NARS2: variants seen among roughly 807,000 people sequenced by gnomAD.
NARS2 encodes asparaginyl-tRNA synthetase.
In NARS2, 60 loss-of-function variants were observed where a neutral mutation model predicts 62.9. The ratio of observed to expected loss-of-function variants is 0.95; its 90% CI spans 0.77 to 1.18. The LOEUF is 1.18. Ranked by LOEUF, NARS2 falls within the 50% of genes most tolerant of loss-of-function variation. The pLI, the probability that NARS2 is intolerant of heterozygous loss-of-function variation, is 0.00. For missense variants in NARS2, 619 were observed against 576.4 expected (o/e 1.07, Z -0.76); for synonymous variants, 196 against 200.0 (o/e 0.98, Z 0.17).
At chr11:78,475,167 G>C (rs1859036892) in intron 9 of NARS2, among the ~76,000 whole-genome samples, 1 of 152,114 alleles carries the variant, frequency 6.6e-6, no homozygotes, top group Admixed American at 6.6e-5. Flanking sequence ...AGTGAATCAT[G>C]CAGTATTTGT....
At chr11:78,561,408 C>T (rs868362905) in intron 4 of NARS2, among the ~76,000 whole-genome samples, 1 of 152,064 alleles carries the variant, frequency 6.6e-6, no homozygotes, top group Admixed American at 6.6e-5. Flanking sequence ...TATACTGTCC[C>T]GCAGCAAAGG....
At chr11:78,476,505 T>A (rs1204147155) in intron 9 of NARS2, among the ~76,000 whole-genome samples, 2 of 152,370 alleles carry the variant, frequency 1.3e-5, no homozygotes, top group East Asian at 3.9e-4. Flanking sequence ...ACCCTTCTAA[T>A]GCACTTTTTG....
intron 6 of NARS2, among the ~76,000 whole-genome samples, chr11:78,506,031 T>C (rs961076964): frequency 6.6e-6 from 1 of 151,690 alleles, no homozygotes; most frequent in Non-Finnish European, 1.5e-5. Context: ...CTAGTAAAAA[T>C]TGGATGAAAA....
At chr11:78,529,791 G>C (rs938087826) in intron 5 of NARS2, among the ~76,000 whole-genome samples, 1 of 152,122 alleles carries the variant, frequency 6.6e-6, no homozygotes, top group African/African-American at 2.4e-5. Flanking sequence ...CTCCCAAAGT[G>C]CTGGGATTTA....
chr11:78,493,158 G>T lies in NARS2; in HGVS notation c.727C>A (p.Arg243=). The T allele has an allele frequency of 6.2e-7, 1 of 1,613,836 alleles. No homozygotes were observed. ...CTCCGGCTCTGAGAATTTTCAGCTC[G>T]GAAGGTCGGACCAAAGGTAAACACT... ...TQVFTFGPTF[R]AENSQSRRHL... is the part of the protein sequence containing the mutation. The change falls in exon 7 of 14, where the codon CGA becomes AGA. Residue 243 remains arginine, a synonymous_variant. Transcript: ENST00000281038.
intron 12 of NARS2, 112 bp downstream of exon 12, chr11:78,443,549 G>C (rs1857647742): frequency 1.7e-6 from 1 of 588,700 alleles, no homozygotes; most frequent in Admixed American, 2.9e-5. Flanking sequence ...CTGAGATCCA[G>C]TTCTGTCAGG....
At chr11:78,513,121 G>C (rs889040569) in intron 6 of NARS2, among the ~76,000 whole-genome samples, 7 of 152,064 alleles carry the variant, frequency 4.6e-5, no homozygotes, top group African/African-American at 2.4e-5. Flanking sequence ...ATGGTGGCGG[G>C]TGCCTGTAAT....
chr11:78,536,266 C>T (rs959808532), intron 5 of NARS2, among the ~76,000 whole-genome samples: 9 of 152,132 alleles, frequency 5.9e-5, no homozygotes, highest in African/African-American at 2.2e-4. Context: ...TTATACTATA[C>T]TTTTTATCAT....
rs1856738321 is a variant in NARS2, at chr11:78,566,219, A to G, written c.426T>C (p.Tyr142=). ...ERHPLEYLRQ[Y]PHFRCRTNVL... ...CGTTAGTCCTACACCTAAAGTGAGG[A>G]TATTGTCGCAGATACTCCAGAGGAT... The change falls in exon 4 of 14, where the codon TAT becomes TAC. Residue 142 remains tyrosine, a synonymous_variant. Transcript: ENST00000281038. The G allele has an allele frequency of 1.2e-6, 2 of 1,612,460 alleles. No homozygotes were observed. The highest frequency in any genetic ancestry group is 1.7e-5 in the Admixed American group (1 of 59,908).
chr11:78,549,715 T>C (rs905505420), intron 5 of NARS2, among the ~76,000 whole-genome samples: 5 of 152,166 alleles, frequency 3.3e-5, no homozygotes, highest in African/African-American at 1.2e-4. Context: ...CTGCAAGTAA[T>C]GGAGCTTAAG....
intron 5 of NARS2, among the ~76,000 whole-genome samples, chr11:78,531,728 T>C (rs1343139014): frequency 1.3e-5 from 2 of 152,228 alleles, no homozygotes; most frequent in African/African-American, 2.4e-5. Flanking sequence ...CATGTACTTA[T>C]GTATGTTAAA....
chr11:78,571,439 C>A lies in NARS2; in HGVS notation c.147G>T (p.Trp49Cys), dbSNP rs1856919040. The A allele has an allele frequency of 6.2e-7, 1 of 1,607,804 alleles. No homozygotes were observed. The highest frequency in any genetic ancestry group is 2.2e-5 in the East Asian group (1 of 44,794). Reference protein sequence around the residue: ...ASGERIKIQGWIRSVRSQKEV... With the variant: ...ASGERIKIQGCIRSVRSQKEV... ...CCTTCTGGGATCGGACAGAACGAAT[C>A]CATCCCTAAGGAAGAGAAATATTTC... The change falls in exon 2 of 14, where the codon TGG (tryptophan) becomes TGT (cysteine). Residue 49 changes from tryptophan (W) to cysteine (C), a missense_variant. Coordinates refer to ENST00000281038, the MANE Select transcript of NARS2 (RefSeq NM_024678.6).
chr11:78,452,034 T>C (rs1269687288), intron 11 of NARS2, among the ~76,000 whole-genome samples: 2 of 152,224 alleles, frequency 1.3e-5, no homozygotes, highest in African/African-American at 4.8e-5. Flanking sequence ...GAAGTATCCA[T>C]ATCTTTTAGT....
chr11:78,536,656 A>C (rs1310948124), intron 5 of NARS2, among the ~76,000 whole-genome samples: 1 of 152,212 alleles, frequency 6.6e-6, no homozygotes, highest in African/African-American at 2.4e-5. Context: ...ATTTTAAAAA[A>C]TTAAGTTTAT....
chr11:78,440,022 A>G (rs1857527532), intron 13 of NARS2, among the ~76,000 whole-genome samples: 1 of 152,216 alleles, frequency 6.6e-6, no homozygotes, highest in African/African-American at 2.4e-5. Context: ...TCACACATAA[A>G]GAAATTGCAG....
intron 7 of NARS2, among the ~76,000 whole-genome samples, chr11:78,491,073 T>G (rs1422688291): frequency 6.6e-6 from 1 of 152,208 alleles, no homozygotes; most frequent in Non-Finnish European, 1.5e-5. Flanking sequence ...TGGGCTCAAG[T>G]GAAAGCTACT....
rs1859843469 is a variant in NARS2 at position 78,492,094 on chromosome 11, T to C, written c.822+969A>G. 2.8e-5 allele frequency among the ~76,000 whole-genome samples: 4 copies of C among 140,894 alleles called. No homozygotes were observed. In the East Asian group the frequency reaches 8.9e-4, roughly 32 times the overall value. The allele number at this position is 140,894 out of a possible 152,430, so 92.4% of individuals were successfully genotyped here. ...TAAATTATGCTAAGTACTTCATATA[T>C]ATATATATATATATACAGACACACA... On this transcript the variant is annotated intron_variant, in intron 7 of 13. Coordinates refer to ENST00000281038, the MANE Select transcript of NARS2 (RefSeq NM_024678.6).
At chr11:78,532,571 G>A (rs774646011) in intron 5 of NARS2, among the ~76,000 whole-genome samples, 1 of 152,206 alleles carries the variant, frequency 6.6e-6, no homozygotes, top group Admixed American at 6.5e-5. Flanking sequence ...GTGATTGATT[G>A]TAAGACCTAG....
chr11:78,440,766 C>T (rs1343056189), intron 13 of NARS2, among the ~76,000 whole-genome samples: 1 of 152,148 alleles, frequency 6.6e-6, no homozygotes, highest in Non-Finnish European at 1.5e-5. Context: ...CTCCTGACCT[C>T]AGGTGATCCA....
Sources: gnomAD v4.1 joint callset for allele counts (sites outside exome capture counted in the v4.1 genomes callset) on GRCh38, gnomAD v4.1.1 for gene constraint, MANE v1.5 for transcripts, NCBI Gene and HGNC (gene_info 2026-07-23, HGNC 2026-07-21) for gene names.